The following CD72 variants were observed in gnomAD, a reference collection of about 807,000 sequenced individuals.
CD72 encodes the protein B-cell differentiation antigen CD72.
Under a neutral mutation model 50.7 loss-of-function variants are expected in CD72, and 28 were observed. The observed-to-expected ratio is 0.55, with a 90% confidence interval of 0.41 to 0.76. The LOEUF is 0.76. Among genes scored for constraint, CD72 ranks in the 30% least tolerant of loss-of-function variants. CD72 has a pLI of 0.00. For synonymous variants in CD72, 176 were observed against 171.2 expected (o/e 1.03, Z -0.22); for missense variants, 403 against 420.6 (o/e 0.96, Z 0.37).
In CD72 at chr9:35,616,014, C is replaced by G. The variant is rs758806758; in HGVS notation, c.617G>C (p.Arg206Thr). The G allele has an allele frequency of 1.9e-6, 3 of 1,614,120 alleles. No individual in the cohort carries two copies. Among genetic ancestry groups the G allele is most frequent in the Middle Eastern group, 1.6e-4 (1 of 6,062 alleles). ...GCTCAGCTTCTGCTCCAAGGCCCTC[C>G]TCTGTTGCTCCTCACTTTGCAAGGT... is the stretch of plus-strand genomic sequence containing the variant. ...KETLQSEEQQ[R>T]RALEQKLSNM... The change falls in exon 5 of 9, where the codon AGG becomes ACG. Residue 206 changes from arginine to threonine, a missense_variant. Coordinates refer to ENST00000259633, the MANE Select transcript of CD72 (RefSeq NM_001782.3).
chr9:35,618,821 C>A (rs1823109566), upstream of CD72: 1 of 1,263,704 alleles, frequency 7.9e-7, no homozygotes, highest in African/African-American at 1.5e-5. Flanking sequence ...TCCCTCGCTT[C>A]TCATCATCCT....
At chr9:35,615,364 T>C (rs1174587281) in intron 5 of CD72, among the ~76,000 whole-genome samples, 2 of 152,106 alleles carry the variant, frequency 1.3e-5, no homozygotes, top group East Asian at 3.9e-4. Flanking sequence ...CTCTTTTATG[T>C]GTCCCTTTCC....
At chr9:35,646,681 G>A (rs1348324237) in exon 1 of CD72, 1 of 152,250 alleles carries the variant, frequency 6.6e-6, no homozygotes, top group Non-Finnish European at 1.5e-5. Context: ...AAATAAAATT[G>A]TTTTACAGAA....
chr9:35,619,150 G>C (rs116065842), upstream of CD72, among the ~76,000 whole-genome samples: 1,780 of 152,290 alleles, frequency 0.012, 39 homozygotes, highest in African/African-American at 0.04. Context: ...TCTTTAAAAA[G>C]TCCCAAAGCT....
upstream of CD72, chr9:35,618,507 C>T: frequency 7.5e-7 from 1 of 1,326,860 alleles, no homozygotes; most frequent in Non-Finnish European, 1.0e-6. Flanking sequence ...AGAAGGCATC[C>T]CTGGGCCAGG....
chr9:35,641,246 T>G (rs1283312489), intron 1 of CD72, among the ~76,000 whole-genome samples: 2 of 151,804 alleles, frequency 1.3e-5, no homozygotes, highest in Non-Finnish European at 2.9e-5. Flanking sequence ...GGTCCAGGGG[T>G]CTGTGGTGGA....
At chr9:35,615,579 G>T (rs1823051415) in intron 5 of CD72, among the ~76,000 whole-genome samples, 2 of 151,926 alleles carry the variant, frequency 1.3e-5, no homozygotes, top group Admixed American at 1.3e-4. Flanking sequence ...AATTAAAAAT[G>T]AGGTCCCTGT....
chr9:35,629,901 T>C (rs1263365088), intron 1 of CD72, among the ~76,000 whole-genome samples: 3 of 152,264 alleles, frequency 2.0e-5, no homozygotes, highest in African/African-American at 7.2e-5. Context: ...ATGACTTGAA[T>C]TGTCATGTTT....
Position 35,610,566 on chromosome 9 carries a change from G to A in CD72, c.*22+36C>T. The A allele has an allele frequency of 3.9e-6, 6 of 1,540,436 alleles. No homozygotes were observed. The South Asian group carries it at 6.0e-5, about 15-fold the overall frequency. On this transcript the variant is annotated intron_variant, in intron 8 of 8. Coordinates refer to ENST00000259633, the MANE Select transcript of CD72 (RefSeq NM_001782.3). ...CCTGCTCTGAGTCCCTCTGCCCCTG[G>A]ACTCCCCATGCCTCAGCCCCATCCC...
chr9:35,620,439 C>T (rs1823136601), upstream of CD72, among the ~76,000 whole-genome samples: 2 of 149,168 alleles, frequency 1.3e-5, no homozygotes, highest in Non-Finnish European at 1.5e-5. Context: ...CATTGCACTC[C>T]AGCCTAGGCA....
At chr9:35,615,887 A>G (rs1823055390) in intron 5 of CD72, 56 bp downstream of exon 5, 2 of 1,394,428 alleles carry the variant, frequency 1.4e-6, no homozygotes, top group African/African-American at 2.9e-5. Context: ...TCCTGCCACT[A>G]CTATCTCCTT....
At chr9:35,632,316 A>G (rs903047025) in intron 1 of CD72, among the ~76,000 whole-genome samples, 6 of 151,170 alleles carry the variant, frequency 4.0e-5, no homozygotes, top group Admixed American at 6.6e-5. Context: ...CTGGGATTAC[A>G]GGTGCCCACC....
upstream of CD72, chr9:35,618,457 A>G (rs1263606065): frequency 7.3e-6 from 11 of 1,516,644 alleles, no homozygotes; most frequent in Non-Finnish European, 9.7e-6. Context: ...ACAAAAGAGG[A>G]AGGTGTTAGC....
chr9:35,611,142 T>TGGGGA (rs1822976818), intron 7 of CD72, among the ~76,000 whole-genome samples: 2 of 151,686 alleles, frequency 1.3e-5, no homozygotes, highest in Non-Finnish European at 2.9e-5. Flanking sequence ...TCCCAGCTGC[T>TGGGGA]GGGGAGGCTG....
chr9:35,619,429 C>T (rs1178155109), upstream of CD72: 1 of 152,152 alleles, frequency 6.6e-6, no homozygotes, highest in Non-Finnish European at 1.5e-5. Flanking sequence ...GAAGAACCCG[C>T]CCCTAGCAAA....
intron 5 of CD72, 51 bp downstream of exon 5, chr9:35,615,892 C>G (rs1227064177): frequency 1.4e-6 from 2 of 1,449,342 alleles, no homozygotes; most frequent in Non-Finnish European, 1.9e-6. Context: ...CCACTACTAT[C>G]TCCTTGCTCC....
rs966821088 is a variant in CD72 at position 35,615,940 on chromosome 9, T to C, written c.688+3A>G. On this transcript the variant is annotated splice_donor_region_variant and intron_variant, in intron 5 of 8. Coordinates refer to ENST00000259633, the MANE Select transcript of CD72 (RefSeq NM_001782.3). Reference sequence around the variant, plus strand: ...CCTTCTCTCCTCTCCCCAGAGCGGATACCTGCTGAGCCGCATGTGAAGAAG... The same window carrying C: ...CCTTCTCTCCTCTCCCCAGAGCGGACACCTGCTGAGCCGCATGTGAAGAAG... The C allele has an allele frequency of 1.2e-6, 2 of 1,610,948 alleles. No homozygotes were observed. Among genetic ancestry groups the C allele is most frequent in the African/African-American group, 2.7e-5 (2 of 74,720 alleles).
chr9:35,625,990 G>A (rs542909897), intron 1 of CD72, among the ~76,000 whole-genome samples: 13 of 152,048 alleles, frequency 8.5e-5, no homozygotes, highest in African/African-American at 3.1e-4. Flanking sequence ...TTGTTTTCAC[G>A]CCTAACTTCC....
intron 1 of CD72, among the ~76,000 whole-genome samples, chr9:35,626,287 A>C (rs1027658177): frequency 2.0e-5 from 3 of 152,076 alleles, no homozygotes; most frequent in Non-Finnish European, 4.4e-5. Flanking sequence ...GCTCTGATGG[A>C]AACTGCAAGA....
Sources: allele counts gnomAD v4.1 joint callset (sites outside exome capture counted in the v4.1 genomes callset), GRCh38; gene constraint gnomAD v4.1.1; transcripts MANE v1.5; gene names NCBI Gene and HGNC (gene_info 2026-07-23, HGNC 2026-07-21).